The following HHAT variants were observed in gnomAD, a reference collection of about 807,000 sequenced individuals.
The protein encoded by HHAT is protein-cysteine N-palmitoyltransferase HHAT.
Under a neutral mutation model 70.8 loss-of-function variants are expected in HHAT, and 47 were observed. The observed-to-expected ratio is 0.66, with a 90% CI of 0.53 to 0.85. The LOEUF is 0.85. Ranked by LOEUF, HHAT falls within the 40% of genes least tolerant of loss-of-function variation. The pLI is 0.00. For synonymous variants in HHAT, 228 were observed against 247.6 expected, an observed-to-expected ratio of 0.92 and a Z score of 0.74; for missense variants, 609 against 604.8, an observed-to-expected ratio of 1.01 and a Z score of -0.07.
rs148173381 is a variant in HHAT, at chr1:210,539,302, T to C, written c.1043+26114T>C. Among the ~76,000 whole-genome samples, 456 of 152,248 alleles carry C rather than the reference T, an allele frequency of 3.0e-3. 1 individual carries two copies. Among genetic ancestry groups the C allele is most frequent in the African/African-American group, 0.011 (440 of 41,552 alleles). ...AGGGAAAGACTATGATTCAAGAATT[T>C]TATATCCAGTTAAATTGTTTTAGTG... On this transcript the variant is annotated intron_variant, in intron 9 of 11. Coordinates refer to ENST00000261458, the MANE Select transcript of HHAT (RefSeq NM_018194.6).
At chr1:210,576,437 C>T (rs568581773) in intron 9 of HHAT, among the ~76,000 whole-genome samples, 6 of 145,198 alleles carry the variant, frequency 4.1e-5, no homozygotes, top group Non-Finnish European at 7.4e-5. Context: ...GGGGTGTGTG[C>T]GTGTGCGTGT....
chr1:210,417,087 G>T (rs1390696844), intron 6 of HHAT, among the ~76,000 whole-genome samples: 1 of 152,020 alleles, frequency 6.6e-6, no homozygotes, highest in Admixed American at 6.6e-5. Flanking sequence ...TTTAATCAAA[G>T]AAGTACAAGA....
chr1:210,466,460 T>G (rs542024087), intron 8 of HHAT, among the ~76,000 whole-genome samples: 2 of 152,320 alleles, frequency 1.3e-5, no homozygotes, highest in East Asian at 3.9e-4. Flanking sequence ...CTCATCAAAG[T>G]CACTTACTGA....
intron 10 of HHAT, among the ~76,000 whole-genome samples, chr1:210,606,712 A>G (rs554009850): frequency 2.0e-4 from 30 of 152,310 alleles, no homozygotes; most frequent in Non-Finnish European, 2.9e-4. Flanking sequence ...GCTTTTTAAG[A>G]AAAAGGCCAT....
chr1:210,513,286 G>A (rs1049285335), intron 9 of HHAT, 98 bp downstream of exon 9: 5 of 665,126 alleles, frequency 7.5e-6, no homozygotes, highest in East Asian at 2.7e-5. Flanking sequence ...ATAAATAATG[G>A]CACTTATATA....
At chr1:210,464,137 C>T (rs1343613366) in intron 7 of HHAT, among the ~76,000 whole-genome samples, 1 of 151,640 alleles carries the variant, frequency 6.6e-6, no homozygotes, top group African/African-American at 2.4e-5. Flanking sequence ...AATACTAGAA[C>T]TTATTCTTTT....
intron 9 of HHAT, among the ~76,000 whole-genome samples, chr1:210,549,924 AAC>A (rs2095514555): frequency 6.7e-6 from 1 of 149,020 alleles, no homozygotes; most frequent in East Asian, 2.2e-4. Context: ...TTTCTAAAAA[AAC>A]AGAGTTGTCA....
intron 8 of HHAT, among the ~76,000 whole-genome samples, chr1:210,466,413 T>C (rs1404336210): frequency 6.6e-6 from 1 of 152,238 alleles, no homozygotes; most frequent in Non-Finnish European, 1.5e-5. Context: ...GTTGAAAAGG[T>C]GACCCTGGTT....
At chr1:210,629,782 T>C (rs973636802) in intron 11 of HHAT, among the ~76,000 whole-genome samples, 1 of 152,180 alleles carries the variant, frequency 6.6e-6, no homozygotes, top group Non-Finnish European at 1.5e-5. Context: ...TCTCTGCTTC[T>C]GTCACACATA....
rs939228593 is a variant in HHAT at position 210,622,097 on chromosome 1, G to A, written c.1246-1429G>A. Among the ~76,000 whole-genome samples the A allele has an allele frequency of 2.6e-5, 4 of 152,266 alleles. 1 individual carries two copies. In the South Asian group the frequency reaches 8.3e-4, roughly 32 times the overall value. ...GTCACAGGAGATTCACAGTAGGGCC[G>A]CATAATAAGTAAGCCTCTTGCTGAA... is the stretch of plus-strand genomic sequence containing the variant. On this transcript the variant is annotated intron_variant, in intron 10 of 11. Coordinates refer to ENST00000261458, the MANE Select transcript of HHAT (RefSeq NM_018194.6).
chr1:210,447,558 T>G (rs2093660809), intron 7 of HHAT, among the ~76,000 whole-genome samples: 1 of 152,170 alleles, frequency 6.6e-6, no homozygotes, highest in Non-Finnish European at 1.5e-5. Context: ...AAAAGGCAAA[T>G]CCTGACAATT....
At chr1:210,429,723 G>A (rs2093187589) in intron 7 of HHAT, among the ~76,000 whole-genome samples, 1 of 151,824 alleles carries the variant, frequency 6.6e-6, no homozygotes, top group South Asian at 2.1e-4. Context: ...TATGGTGGTG[G>A]TGCCAGATCT....
intron 9 of HHAT, among the ~76,000 whole-genome samples, chr1:210,561,314 C>T (rs892307061): frequency 1.3e-5 from 2 of 152,166 alleles, no homozygotes; most frequent in Non-Finnish European, 2.9e-5. Context: ...GGGTACTTAA[C>T]CATTCTGCAC....
At chr1:210,332,135 G>T (rs2085046088) in intron 1 of HHAT, among the ~76,000 whole-genome samples, 1 of 152,192 alleles carries the variant, frequency 6.6e-6, no homozygotes, top group Non-Finnish European at 1.5e-5. Context: ...ACTTCTCTAT[G>T]GATGTCACAG....
At chr1:210,361,071 C>T (rs1453006968) in intron 2 of HHAT, among the ~76,000 whole-genome samples, 2 of 151,060 alleles carry the variant, frequency 1.3e-5, no homozygotes, top group African/African-American at 2.4e-5. Context: ...TAAAGAAGCA[C>T]CAAAAAAAAG....
chr1:210,533,981 G>A (rs537907675), intron 9 of HHAT, among the ~76,000 whole-genome samples: 1 of 152,314 alleles, frequency 6.6e-6, no homozygotes. Context: ...GGAAGATGGC[G>A]TTAGGCAGGA....
At chr1:210,512,977 C>T (rs1558063353) in intron 8 of HHAT, among the ~76,000 whole-genome samples, 176 bp from the exon 9 acceptor site, 1 of 152,124 alleles carries the variant, frequency 6.6e-6, no homozygotes, top group Non-Finnish European at 1.5e-5. Context: ...TGAGAAGCTG[C>T]GATTCCAACA....
At chr1:210,471,726 A>G (rs1353680050) in intron 8 of HHAT, among the ~76,000 whole-genome samples, 1 of 152,250 alleles carries the variant, frequency 6.6e-6, no homozygotes, top group Non-Finnish European at 1.5e-5. Context: ...TTATTTTTAA[A>G]CAATGTTTTA....
chr1:210,417,055 T>G (rs761173), intron 6 of HHAT, among the ~76,000 whole-genome samples: 100,896 of 151,956 alleles, frequency 0.66, 34,210 homozygotes, highest in South Asian at 0.8. Flanking sequence ...ACATCAAAAA[T>G]AACAAAATAT....
Sources: gnomAD v4.1 joint callset for allele counts (sites outside exome capture counted in the v4.1 genomes callset) on GRCh38, gnomAD v4.1.1 for gene constraint, MANE v1.5 for transcripts, NCBI Gene and HGNC (gene_info 2026-07-23, HGNC 2026-07-21) for gene names.